The following FBXL18 variants were observed in gnomAD, a reference collection of about 807,000 sequenced individuals.
The protein encoded by FBXL18 is F-box and leucine rich repeat protein 18.
FBXL18 carries 36 observed loss-of-function variants against 46.0 expected under a neutral mutation model. The ratio of observed to expected loss-of-function variants is 0.78; its 90% CI spans 0.60 to 1.03. The LOEUF is 1.03. FBXL18 is among the 50% of genes least tolerant of loss of function. The pLI, the probability that FBXL18 is intolerant of heterozygous loss-of-function variation, is 0.00. For missense variants in FBXL18, 977 were observed against 1,004.1 expected, an observed-to-expected ratio of 0.97 and a Z score of 0.36; for synonymous variants, 557 against 465.3, an observed-to-expected ratio of 1.20 and a Z score of -2.54.
Position 5,500,882 on chromosome 7 carries a change from A to G in FBXL18, c.1387T>C (p.Phe463Leu). ...RVGVQSCPSP[F>L]SGQACPQPSS... ...GGCTGGGGGCACGCCTGGCCCGAGAAGGGGCTGGGACAGGACTGCACGCCC... is the reference window on the plus strand; with the variant it reads ...GGCTGGGGGCACGCCTGGCCCGAGAGGGGGCTGGGACAGGACTGCACGCCC... Residue 463 changes from phenylalanine (F) to leucine (L), a missense_variant, in exon 3 of 5, where the codon TTC becomes CTC. By Grantham distance (22) the Phe-to-Leu change is conservative. Coordinates refer to ENST00000382368, the MANE Select transcript of FBXL18 (RefSeq NM_024963.6). The G allele has an allele frequency of 1.1e-5, 17 of 1,596,954 alleles. No homozygotes were observed. The highest frequency in any genetic ancestry group is 1.4e-5 in the Non-Finnish European group (16 of 1,169,954).
chr7:5,455,135 G>T lies in FBXL18; in HGVS notation c.2001-7292C>A, dbSNP rs1783154497. On this transcript the variant is annotated intron_variant and NMD_transcript_variant, in intron 4 of 6. Coordinates refer to the FBXL18 transcript ENST00000415009. The surrounding 1 kb of genome is among the most constrained non-coding windows in gnomAD (Gnocchi z 4.6). Reference sequence around the variant, plus strand: ...GCTGGCTTCCTATCCTCTTGCTCAGGGAGCAACCCTGGCACTACTGGGGAG... The same window carrying T: ...GCTGGCTTCCTATCCTCTTGCTCAGTGAGCAACCCTGGCACTACTGGGGAG... 6.6e-6 allele frequency among the ~76,000 whole-genome samples: 1 copy of T among 152,122 alleles called. No individual in the cohort carries two copies. The highest frequency in any genetic ancestry group is 1.5e-5 in the Non-Finnish European group (1 of 68,004).
rs776736843 is a variant in FBXL18, at chr7:5,512,638, G to A, written c.18+1019C>T. Among the ~76,000 whole-genome samples the A allele has an allele frequency of 4.6e-4, 70 of 152,150 alleles. 1 individual carries two copies. The highest frequency in any genetic ancestry group is 7.5e-4 in the Non-Finnish European group (51 of 67,964). ...AGAACAAACAAACAAGGAACAGAGGGGGCTTTAAGCTGTAATTCTGTAAGA... is the reference window on the plus strand; with the variant it reads ...AGAACAAACAAACAAGGAACAGAGGAGGCTTTAAGCTGTAATTCTGTAAGA... On this transcript the variant is annotated intron_variant, in intron 1 of 4. Transcript: ENST00000382368.
In FBXL18 at chr7:5,458,372, C is replaced by G. The variant is rs532714113; in HGVS notation, c.2001-10529G>C. On this transcript the variant is annotated intron_variant and NMD_transcript_variant, in intron 4 of 6. Transcript: ENST00000415009. ...TTGAGGTCAGGAGTTCGAGACCAAC[C>G]TGGCCAACATGGTGAAACCCCGTCT... is the stretch of plus-strand genomic sequence containing the variant. Among the ~76,000 whole-genome samples, 15 of 152,302 alleles carry G rather than the reference C, an allele frequency of 9.8e-5. No homozygotes were observed. In the East Asian group the frequency reaches 2.1e-3, roughly 22 times the overall value.
rs1433266774 is a variant in FBXL18, at chr7:5,496,827, AC to A, written c.1781+3660del. 6.6e-6 allele frequency among the ~76,000 whole-genome samples: 1 copy of A among 151,898 alleles called. No individual in the cohort carries two copies. Among genetic ancestry groups the A allele is most frequent in the Non-Finnish European group, 1.5e-5 (1 of 67,964 alleles). ...GATCACCTGAGGTCAGGAGTTCGAG[AC>A]CAGCCTGGCCAACATGGTGAAACCC... On this transcript the variant is annotated intron_variant, in intron 3 of 4. Coordinates refer to ENST00000382368, the MANE Select transcript of FBXL18 (RefSeq NM_024963.6). This position sits in a 1 kb window ranked among gnomAD's most constrained non-coding sequence, Gnocchi z 4.8.
In FBXL18 at chr7:5,476,064, C is replaced by A. The variant is rs897251146; in HGVS notation, c.*5711G>T. On this transcript the variant is annotated 3_prime_UTR_variant, in exon 5 of 5. Transcript: ENST00000382368. ...AGGGAAAGGTCTCCCCTTAAAACCA[C>A]GTGGAGCTCTGCTGTCTCTGGGCAG... 6.6e-6 allele frequency: 1 copy of A among 152,232 alleles called. No homozygotes were observed. The highest frequency in any genetic ancestry group is 1.5e-5 in the Non-Finnish European group (1 of 68,064). 9.4% of individuals were successfully genotyped at this position (152,232 alleles called of 1,614,324 possible).
rs190960362 is a variant in FBXL18, at chr7:5,489,757, C to T, written c.2000+1474G>A. 6.0e-3 allele frequency: 1,608 copies of T among 266,618 alleles called. 23 individuals are homozygous for T. The highest frequency in any genetic ancestry group is 0.015 in the Middle Eastern group (14 of 912). 16.5% of individuals were successfully genotyped at this position (266,618 alleles called of 1,614,324 possible). On this transcript the variant is annotated intron_variant, in intron 4 of 4. Transcript: ENST00000382368. ...TCACGCCACTGCACTCCAGCCTGGG[C>T]GACAGAGCGAGACTCTGTCTCAAAA...
intron 1 of FBXL18, among the ~76,000 whole-genome samples, chr7:5,508,272 A>T (rs1784442801): frequency 6.6e-6 from 1 of 151,028 alleles, no homozygotes; most frequent in African/African-American, 2.4e-5. Context: ...CTCAAAAAAA[A>T]AAAAAGAAAG....
intron 1 of FBXL18, among the ~76,000 whole-genome samples, chr7:5,507,165 C>G (rs775240707): frequency 5.3e-5 from 8 of 152,172 alleles, no homozygotes; most frequent in Non-Finnish European, 8.8e-5. Context: ...GCTCCTGCTT[C>G]CTGTACATAT....
At position 5,510,991 on chromosome 7, in the gene FBXL18, A is replaced by G. The variant is rs148413478; in HGVS notation, c.18+2666T>C. ...ATTCGCTAAACTCTGTGTTTTATGT[A>G]CTTTTCAGAATATGTAACATTTCAC... On this transcript the variant is annotated intron_variant, in intron 1 of 4. Coordinates refer to ENST00000382368, the MANE Select transcript of FBXL18 (RefSeq NM_024963.6). 7.3e-3 allele frequency among the ~76,000 whole-genome samples: 1,113 copies of G among 152,338 alleles called. 4 individuals are homozygous for G. The highest frequency in any genetic ancestry group is 0.015 in the Admixed American group (236 of 15,274).
chr7:5,475,256 A>G (rs1419609728), downstream of FBXL18, among the ~76,000 whole-genome samples: 1 of 151,958 alleles, frequency 6.6e-6, no homozygotes, highest in African/African-American at 2.4e-5. This position sits in a 1 kb window ranked among gnomAD's most constrained non-coding sequence, Gnocchi z 4.2. Flanking sequence ...CAGGAGGCGG[A>G]GGTAGCAGTG....
chr7:5,465,691 G>A (rs1164296245), intron 4 of FBXL18, among the ~76,000 whole-genome samples: 27 of 152,104 alleles, frequency 1.8e-4, no homozygotes, highest in Non-Finnish European at 4.0e-4. Context: ...GAGGGAGGGA[G>A]GGGAGAAATG....
chr7:5,492,223 A>T (rs560800053), intron 3 of FBXL18, among the ~76,000 whole-genome samples: 1 of 148,444 alleles, frequency 6.7e-6, no homozygotes, highest in East Asian at 2.0e-4. Context: ...CTTCCTGGGG[A>T]GTCTGTCCAT....
At chr7:5,469,163 G>C (rs919140843) in intron 4 of FBXL18, among the ~76,000 whole-genome samples, 8 of 152,300 alleles carry the variant, frequency 5.3e-5, no homozygotes, top group African/African-American at 1.9e-4. Flanking sequence ...TGTAATCCCA[G>C]CACTTTGGGA....
Position 5,501,186 on chromosome 7 carries a change from C to G in FBXL18, c.1083G>C (p.Ser361=). The change falls in exon 3 of 5, where the codon TCG becomes TCC. Residue 361 remains serine (S), a synonymous_variant. Coordinates refer to ENST00000382368, the MANE Select transcript of FBXL18 (RefSeq NM_024963.6). The stretch of plus-strand genomic sequence containing the variant: ...TGTCGTCCTCCGCCTTGCGGAGCAG[C>G]GAGTCTGGGGACAGGCAGTGGACGC... The part of the protein sequence containing the change: ...SGCVHCLSPD[S]LLRKAEDDID... 2 of 1,613,220 alleles carry G rather than the reference C, an allele frequency of 1.2e-6. No individual in the cohort carries two copies. Among genetic ancestry groups the G allele is most frequent in the African/African-American group, 2.7e-5 (2 of 75,068 alleles).
chr7:5,456,239 C>G (rs1229689074), intron 4 of FBXL18, among the ~76,000 whole-genome samples: 1 of 152,216 alleles, frequency 6.6e-6, no homozygotes, highest in Non-Finnish European at 1.5e-5. Flanking sequence ...GGCATCTGCT[C>G]TCTCGGGACA....
intron 4 of FBXL18, among the ~76,000 whole-genome samples, chr7:5,488,929 C>A (rs999784694): frequency 5.3e-5 from 8 of 152,220 alleles, no homozygotes; most frequent in Non-Finnish European, 1.2e-4. Context: ...ACCCACTCAG[C>A]CCTCCTAAAA....
At chr7:5,509,868 C>A (rs1293689026) in intron 1 of FBXL18, among the ~76,000 whole-genome samples, 3 of 152,060 alleles carry the variant, frequency 2.0e-5, no homozygotes, top group African/African-American at 7.2e-5. Flanking sequence ...CACTCTCCAT[C>A]TCCGGCCAGA....
intron 2 of FBXL18, among the ~76,000 whole-genome samples, chr7:5,502,319 G>A (rs1382444171): frequency 6.6e-6 from 1 of 152,224 alleles, no homozygotes; most frequent in Non-Finnish European, 1.5e-5. Context: ...TGGATCACCT[G>A]AGGTCAGGAG....
chr7:5,489,996 T>A (rs1344323387), intron 4 of FBXL18: 1 of 1,287,642 alleles, frequency 7.8e-7, no homozygotes, highest in Non-Finnish European at 1.0e-6. Flanking sequence ...TTTTAAAAAG[T>A]ACTCTATAAA....
Sources: allele counts gnomAD v4.1 joint callset (sites outside exome capture counted in the v4.1 genomes callset), GRCh38; gene constraint gnomAD v4.1.1; non-coding constraint Gnocchi (gnomAD v3.1); transcripts MANE v1.5; gene names NCBI Gene and HGNC (gene_info 2026-07-23, HGNC 2026-07-21).